The following ANKFY1 variants were observed in gnomAD, a reference collection of about 807,000 sequenced individuals.
ANKFY1 encodes the protein ankyrin repeat and FYVE domain containing 1, also known as ankyrin repeat and FYVE domain-containing protein 1.
ANKFY1 carries 47 observed loss-of-function variants against 128.3 expected under a neutral mutation model. That is an observed-to-expected ratio of 0.37 (90% CI 0.29 to 0.47). ANKFY1 has a LOEUF of 0.47. Among genes scored for constraint, ANKFY1 ranks in the 20% least tolerant of loss-of-function variants. ANKFY1 has a pLI of 1.00. For synonymous variants in ANKFY1, 553 were observed against 601.6 expected (o/e 0.92, Z 1.18); for missense variants, 1,222 against 1,510.6 (o/e 0.81, Z 3.17).
chr17:4,173,850 C>T (rs2059366529), intron 20 of ANKFY1, 59 bp downstream of exon 20: 6 of 1,569,496 alleles, frequency 3.8e-6, no homozygotes, highest in African/African-American at 1.4e-5. Flanking sequence ...GGGTGCACTG[C>T]ACCCCCACCC....
intron 10 of ANKFY1, among the ~76,000 whole-genome samples, chr17:4,192,500 T>C (rs1402992373): frequency 6.6e-6 from 1 of 151,308 alleles, no homozygotes; most frequent in Non-Finnish European, 1.5e-5. Context: ...TGGAGACTCC[T>C]AGTTGATGGT....
Position 4,164,385 on chromosome 17 carries a change from C to T in ANKFY1, c.*3394G>A, listed in dbSNP as rs2059175429. 1 of 152,660 alleles carries T rather than the reference C, an allele frequency of 6.6e-6. No homozygotes were observed. Among genetic ancestry groups the T allele is most frequent in the Non-Finnish European group, 1.5e-5 (1 of 68,044 alleles). The allele number at this position is 152,660 out of a possible 1,614,324, so 9.5% of individuals were successfully genotyped here. ...TTTTTATCTTGCCAGTCAGCTCTCA[C>T]TAAAGTACTTCCACAGAGTGAGAAG... On this transcript the variant is annotated 3_prime_UTR_variant, in exon 25 of 25. Coordinates refer to ENST00000341657, the MANE Select transcript of ANKFY1 (RefSeq NM_001330063.2).
chr17:4,218,909 T>C (rs147064329), intron 3 of ANKFY1, among the ~76,000 whole-genome samples: 47 of 152,182 alleles, frequency 3.1e-4, no homozygotes, highest in Non-Finnish European at 5.7e-4. Flanking sequence ...AGGTCTTGCT[T>C]TTTGTTAAGA....
At chr17:4,180,760 CAAAAAAAAAAAAA>C (rs11392631) in intron 16 of ANKFY1, among the ~76,000 whole-genome samples, 42 of 58,040 alleles carry the variant, frequency 7.2e-4, no homozygotes, top group African/African-American at 2.4e-3. Context: ...GACTCTGTCT[CAAAAAAAAAAAAA>C]AAAAAAAAAA....
intron 3 of ANKFY1, chr17:4,222,679 A>C: frequency 1.2e-6 from 1 of 860,236 alleles, no homozygotes; most frequent in South Asian, 1.3e-5. Flanking sequence ...TGGCCCTGAC[A>C]CGCAGCTCCA....
chr17:4,216,088 C>T (rs922901205), intron 4 of ANKFY1, among the ~76,000 whole-genome samples: 3 of 152,212 alleles, frequency 2.0e-5, no homozygotes, highest in African/African-American at 7.2e-5. Flanking sequence ...CAATAACAGA[C>T]AGGAGTAAGC....
At chr17:4,263,226 C>G (rs976908006) in intron 1 of ANKFY1, among the ~76,000 whole-genome samples, 4 of 152,152 alleles carry the variant, frequency 2.6e-5, no homozygotes, top group African/African-American at 9.6e-5. Flanking sequence ...GTGCCTTAAG[C>G]TGCAATGTCA....
At chr17:4,175,889 C>T (rs2059403394) in intron 19 of ANKFY1, among the ~76,000 whole-genome samples, 3 of 152,088 alleles carry the variant, frequency 2.0e-5, no homozygotes. Context: ...CTGGAAGACC[C>T]GCTGTTTCTA....
In ANKFY1 at chr17:4,181,069, C is replaced by T. The variant is rs2059506602; in HGVS notation, c.2240+185G>A. On this transcript the variant is annotated intron_variant, in intron 16 of 24. Coordinates refer to ENST00000341657, the MANE Select transcript of ANKFY1 (RefSeq NM_001330063.2). The surrounding 1 kb of genome is among the most constrained non-coding windows in gnomAD (Gnocchi z 4.9). ...TTGATTCAGGGCTGTGAGCTCCTCC[C>T]GTCACAAGTGAGCCTGGCTCCTGGC... is the stretch of plus-strand genomic sequence containing the variant. 9 of 566,838 alleles carry T rather than the reference C, an allele frequency of 1.6e-5. No individual in the cohort carries two copies. Among genetic ancestry groups the T allele is most frequent in the Non-Finnish European group, 2.5e-5 (8 of 314,458 alleles). The allele number at this position is 566,838 out of a possible 1,614,324, so 35.1% of individuals were successfully genotyped here.
rs2059516374 is a variant in ANKFY1, at chr17:4,181,514, G to A, written c.2122-142C>T. On this transcript the variant is annotated intron_variant, in intron 15 of 24. Coordinates refer to ENST00000341657, the MANE Select transcript of ANKFY1 (RefSeq NM_001330063.2). The surrounding 1 kb of genome is among the most constrained non-coding windows in gnomAD (Gnocchi z 4.9). ...AATAAATTGATAATTACTTTAATCT[G>A]TATCACTCATTATTTTACAAACACT... 4.6e-6 allele frequency: 3 copies of A among 648,486 alleles called. No homozygotes were observed. The highest frequency in any genetic ancestry group is 5.2e-5 in the Admixed American group (2 of 38,360). The allele number at this position is 648,486 out of a possible 1,614,324, so 40.2% of individuals were successfully genotyped here.
In ANKFY1 at chr17:4,166,718, A is replaced by C. The variant is rs1169141264; in HGVS notation, c.*1061T>G. 1 of 152,288 alleles carries C rather than the reference A, an allele frequency of 6.6e-6. No individual in the cohort carries two copies. The highest frequency in any genetic ancestry group is 6.5e-5 in the Admixed American group (1 of 15,288). 9.4% of individuals were successfully genotyped at this position (152,288 alleles called of 1,614,324 possible). ...ATCACTAGGGAGGATTTCAGCAAGA[A>C]GCATTTGTGTCAAGGACATAGGACC... On this transcript the variant is annotated 3_prime_UTR_variant, in exon 25 of 25. Transcript: ENST00000341657.
At position 4,169,298 on chromosome 17, in the gene ANKFY1, A is replaced by G; in HGVS notation, c.3287-10T>C. On this transcript the variant is annotated splice_polypyrimidine_tract_variant and intron_variant, in intron 23 of 24. Transcript: ENST00000341657. The surrounding 1 kb of genome is among the most constrained non-coding windows in gnomAD (Gnocchi z 5.0). The stretch of plus-strand genomic sequence containing the variant: ...TCCTTGGACAGCATATCTGCAACAC[A>G]GGGGGGAGGCCCGGTCCCGTCAAAC... 2 of 1,542,632 alleles carry G rather than the reference A, an allele frequency of 1.3e-6. No individual in the cohort carries two copies. Among genetic ancestry groups the G allele is most frequent in the Non-Finnish European group, 1.8e-6 (2 of 1,140,966 alleles).
chr17:4,195,594 G>A, intron 8 of ANKFY1, 123 bp from the exon 9 acceptor site: 1 of 766,194 alleles, frequency 1.3e-6, no homozygotes, highest in Non-Finnish European at 2.3e-6. Flanking sequence ...TTTCTACAAG[G>A]CTTCTAAAAC....
intron 2 of ANKFY1, 135 bp downstream of exon 2, chr17:4,242,121 C>T: frequency 2.2e-6 from 2 of 893,622 alleles, no homozygotes; most frequent in Non-Finnish European, 3.1e-6. Context: ...CCTCAAGGAG[C>T]TTCTATTCTA....
At chr17:4,237,823 A>G (rs552545244) in intron 2 of ANKFY1, among the ~76,000 whole-genome samples, 2 of 152,300 alleles carry the variant, frequency 1.3e-5, no homozygotes, top group African/African-American at 2.4e-5. Context: ...TTTTTAAAAA[A>G]CTTGATTCCA....
At chr17:4,253,989 G>T (rs142988684) in intron 1 of ANKFY1, among the ~76,000 whole-genome samples, 1 of 152,122 alleles carries the variant, frequency 6.6e-6, no homozygotes, top group African/African-American at 2.4e-5. Flanking sequence ...TATGCAGCAC[G>T]TAACTGTTCA....
chr17:4,182,094 C>T, intron 15 of ANKFY1, 87 bp downstream of exon 15: 1 of 1,283,382 alleles, frequency 7.8e-7, no homozygotes, highest in South Asian at 2.7e-5. Flanking sequence ...AGATCTTGCT[C>T]CTGTGACAGC....
chr17:4,224,147 A>G (rs540231834), intron 3 of ANKFY1, among the ~76,000 whole-genome samples: 5 of 150,790 alleles, frequency 3.3e-5, no homozygotes, highest in Admixed American at 2.0e-4. Flanking sequence ...GGAAGTAGCT[A>G]TCTTAGTGCC....
chr17:4,182,436 T>C, intron 14 of ANKFY1, 87 bp from the exon 15 acceptor site: 1 of 1,024,004 alleles, frequency 9.8e-7, no homozygotes, highest in Non-Finnish European at 1.4e-6. Context: ...GAGTCCAGAA[T>C]CTTCTGTCTC....
Sources: allele counts gnomAD v4.1 joint callset (sites outside exome capture counted in the v4.1 genomes callset), GRCh38; gene constraint gnomAD v4.1.1; non-coding constraint Gnocchi (gnomAD v3.1); transcripts MANE v1.5; gene names NCBI Gene and HGNC (gene_info 2026-07-23, HGNC 2026-07-21).